HDAC4: variants seen among roughly 807,000 people sequenced by gnomAD.
HDAC4 encodes the protein histone deacetylase A.
Under a neutral mutation model 135.1 loss-of-function variants are expected in HDAC4, and 16 were observed. The observed-to-expected ratio is 0.12, with a 90% CI of 0.08 to 0.18. HDAC4 has a LOEUF of 0.18. Ranked by LOEUF, HDAC4 falls within the 10% of genes least tolerant of loss-of-function variation. The pLI, the probability that HDAC4 is intolerant of heterozygous loss-of-function variation, is 1.00. For synonymous variants in HDAC4, 685 were observed against 653.4 expected (o/e 1.05, Z -0.74); for missense variants, 1,143 against 1,511.8 (o/e 0.76, Z 4.05).
Position 239,297,224 on chromosome 2 carries a change from C to T in HDAC4, c.22+55454G>A, listed in dbSNP as rs533918334. Among the ~76,000 whole-genome samples, 8 of 152,256 alleles carry T rather than the reference C, an allele frequency of 5.3e-5. No individual in the cohort carries two copies. In the East Asian group the frequency reaches 1.2e-3, roughly 22 times the overall value. On this transcript the variant is annotated intron_variant, in intron 2 of 26. Transcript: ENST00000543185. Reference sequence around the variant, plus strand: ...GGTGCCTGAGCCCCCAACCTTCCCACGAGCAGCCAGCGCTCACCCAAACCT... The same window carrying T: ...GGTGCCTGAGCCCCCAACCTTCCCATGAGCAGCCAGCGCTCACCCAAACCT...
chr2:239,120,350 TACATACACACAC>T (rs2039530003), intron 12 of HDAC4, among the ~76,000 whole-genome samples: 1 of 150,596 alleles, frequency 6.6e-6, no homozygotes, highest in African/African-American at 2.5e-5. Context: ...CACATACAGA[TACATACACACAC>T]AGATACATAT....
intron 5 of HDAC4, among the ~76,000 whole-genome samples, chr2:239,170,266 A>G (rs1453016159): frequency 6.6e-6 from 1 of 152,246 alleles, no homozygotes; most frequent in Non-Finnish European, 1.5e-5. Flanking sequence ...ATAATAATAC[A>G]GTTTAGATTA....
intron 16 of HDAC4, among the ~76,000 whole-genome samples, chr2:239,100,758 T>C (rs542423957): frequency 8.3e-4 from 127 of 152,276 alleles, no homozygotes; most frequent in African/African-American, 3.0e-3. Context: ...AGGGGTCTCC[T>C]GTCTGCTTGG....
At chr2:239,391,812 G>T (rs145597879) in intron 1 of HDAC4, among the ~76,000 whole-genome samples, 1 of 152,242 alleles carries the variant, frequency 6.6e-6, no homozygotes, top group African/African-American at 2.4e-5. Flanking sequence ...AGAAGGATAC[G>T]TGAAACAAGA....
intron 2 of HDAC4, among the ~76,000 whole-genome samples, chr2:239,258,640 C>A (rs7595357): frequency 0.25 from 38,304 of 152,066 alleles, 6,549 homozygotes; most frequent in East Asian, 0.47. Context: ...CATTCTCACA[C>A]CTGATCTCAG....
At chr2:239,388,471 C>A (rs907324896) in intron 1 of HDAC4, among the ~76,000 whole-genome samples, 1 of 152,242 alleles carries the variant, frequency 6.6e-6, no homozygotes, top group Non-Finnish European at 1.5e-5. Flanking sequence ...CTGCATGGGA[C>A]AGATGAGCCA....
intron 2 of HDAC4, among the ~76,000 whole-genome samples, chr2:239,256,528 C>T (rs2049061798): frequency 6.6e-6 from 1 of 152,258 alleles, no homozygotes; most frequent in Non-Finnish European, 1.5e-5. Flanking sequence ...CCAGCAGCAT[C>T]CTCCTCTTTC....
chr2:239,078,131 A>T (rs1353107772), intron 22 of HDAC4, among the ~76,000 whole-genome samples: 3 of 152,148 alleles, frequency 2.0e-5, no homozygotes, highest in Non-Finnish European at 2.9e-5. Flanking sequence ...CTTCATCGTC[A>T]TCGTCATCTC....
intron 7 of HDAC4, among the ~76,000 whole-genome samples, chr2:239,152,360 T>C (rs186648403): frequency 2.0e-4 from 31 of 152,362 alleles, no homozygotes; most frequent in African/African-American, 7.2e-4. Context: ...TTCACAAGTC[T>C]GCAGAAACCC....
intron 3 of HDAC4, 93 bp from the exon 4 acceptor site, chr2:239,190,170 G>A (rs552442035): frequency 1.2e-5 from 17 of 1,428,576 alleles, no homozygotes; most frequent in African/African-American, 3.2e-5. Flanking sequence ...CCACCTTCAC[G>A]GGGCGGGGGG....
intron 17 of HDAC4, chr2:239,093,815 C>T: frequency 2.3e-6 from 1 of 441,000 alleles, no homozygotes; most frequent in Non-Finnish European, 3.0e-6. Context: ...CACAGGCGTG[C>T]TGGCTGCAGG....
chr2:239,147,113 G>C (rs2041817289), intron 7 of HDAC4, among the ~76,000 whole-genome samples: 1 of 152,210 alleles, frequency 6.6e-6, no homozygotes, highest in Non-Finnish European at 1.5e-5. Context: ...TTTTGGATGC[G>C]GGGCTCGGGG....
intron 2 of HDAC4, among the ~76,000 whole-genome samples, chr2:239,324,650 G>A (rs570481407): frequency 6.6e-6 from 1 of 152,230 alleles, no homozygotes; most frequent in East Asian, 1.9e-4. Flanking sequence ...CACTCACGAG[G>A]CACCACAGCT....
intron 3 of HDAC4, among the ~76,000 whole-genome samples, chr2:239,226,515 G>C (rs1172323921): frequency 6.6e-6 from 1 of 152,178 alleles, no homozygotes; most frequent in Non-Finnish European, 1.5e-5. Context: ...AGCACCCAGA[G>C]GATATTTCTC....
At chr2:239,273,525 C>T (rs1224768130) in intron 2 of HDAC4, among the ~76,000 whole-genome samples, 1 of 152,208 alleles carries the variant, frequency 6.6e-6, no homozygotes, top group Non-Finnish European at 1.5e-5. Context: ...GATTATCACT[C>T]TGCAGCCCCC....
At chr2:239,206,391 C>T (rs976166952) in intron 3 of HDAC4, among the ~76,000 whole-genome samples, 1 of 147,674 alleles carries the variant, frequency 6.8e-6, no homozygotes, top group Non-Finnish European at 1.5e-5. Context: ...TGCACACATA[C>T]GTGCACACAC....
intron 24 of HDAC4, among the ~76,000 whole-genome samples, chr2:239,059,485 C>G (rs1398194252): frequency 1.3e-5 from 2 of 152,076 alleles, no homozygotes; most frequent in Non-Finnish European, 2.9e-5. Context: ...CGGCTACAGG[C>G]AGAGCAGAGA....
rs370842305 is a variant in HDAC4 at position 239,240,734 on chromosome 2, A to G, written c.23-4070T>C. ...GGGTACCTCGTGTCCTCACCAGCAC[A>G]TGATGTGCCCCAGTGTGCTCAATGC... On this transcript the variant is annotated intron_variant, in intron 2 of 26. Transcript: ENST00000543185. The surrounding 1 kb of genome is among the most constrained non-coding windows in gnomAD (Gnocchi z 4.5). 1.3e-5 allele frequency among the ~76,000 whole-genome samples: 2 copies of G among 152,336 alleles called. No homozygotes were observed. Among genetic ancestry groups the G allele is most frequent in the East Asian group, 3.9e-4 (2 of 5,176 alleles).
chr2:239,363,437 G>A (rs1348496537), intron 1 of HDAC4, among the ~76,000 whole-genome samples: 1 of 152,232 alleles, frequency 6.6e-6, no homozygotes, highest in Non-Finnish European at 1.5e-5. Flanking sequence ...GCTAGAATGA[G>A]ACCAACACAG....
Sources: gnomAD v4.1 joint callset for allele counts (sites outside exome capture counted in the v4.1 genomes callset) on GRCh38, gnomAD v4.1.1 for gene constraint, Gnocchi (gnomAD v3.1) non-coding constraint, MANE v1.5 for transcripts, NCBI Gene and HGNC (gene_info 2026-07-23, HGNC 2026-07-21) for gene names.